The following RPS6KA2 variants were observed in gnomAD, a reference collection of about 807,000 sequenced individuals.
RPS6KA2 encodes ribosomal protein S6 kinase A2.
A neutral mutation model predicts 91.8 loss-of-function variants in RPS6KA2; 42 were observed. The observed-to-expected ratio is 0.46, with a 90% confidence interval of 0.36 to 0.59. The LOEUF is 0.59. Ranked by LOEUF, RPS6KA2 falls within the 20% of genes least tolerant of loss-of-function variation. The pLI, the probability that RPS6KA2 is intolerant of heterozygous loss-of-function variation, is 0.00. For synonymous variants in RPS6KA2, 414 were observed against 393.6 expected (o/e 1.05, Z -0.61); for missense variants, 798 against 978.5 (o/e 0.82, Z 2.46).
At position 166,627,103 on chromosome 6, in the gene RPS6KA2, C is replaced by A. The variant is rs1035987612; in HGVS notation, c.-84G>T. 5.8e-6 allele frequency: 7 copies of A among 1,202,572 alleles called. No homozygotes were observed. The African/African-American group carries it at 6.4e-5, about 11-fold the overall frequency. 74.5% of individuals were successfully genotyped at this position (1,202,572 alleles called of 1,614,324 possible). Reference sequence around the variant, plus strand: ...CAGGCGCGGGGCTCAGGTCCGCGGGCGGGCACGCGTGGCCAGGGAGCCCGG... The same window carrying A: ...CAGGCGCGGGGCTCAGGTCCGCGGGAGGGCACGCGTGGCCAGGGAGCCCGG... On this transcript the variant is annotated 5_prime_UTR_variant, in exon 1 of 21. Transcript: ENST00000265678.
In RPS6KA2 at chr6:166,432,496, A is replaced by T; in HGVS notation, c.1333-6T>A. 6.3e-7 allele frequency: 1 copy of T among 1,590,760 alleles called. No individual in the cohort carries two copies. Among genetic ancestry groups the T allele is most frequent in the Non-Finnish European group, 8.6e-7 (1 of 1,158,996 alleles). ...CTCTTGCTCTTATCAATGATCTGGA[A>T]CAAACACAGCACATGGCAGTGAGGG... On this transcript the variant is annotated splice_polypyrimidine_tract_variant and splice_region_variant and intron_variant, in intron 14 of 20. Coordinates refer to ENST00000265678, the MANE Select transcript of RPS6KA2 (RefSeq NM_021135.6).
chr6:166,528,082 A>G (rs11962250), intron 3 of RPS6KA2, among the ~76,000 whole-genome samples: 29,684 of 152,066 alleles, frequency 0.2, 3,045 homozygotes, highest in African/African-American at 0.26. Context: ...GGAGTGGACC[A>G]GTGAGGTCGC....
At chr6:166,678,046 T>G (rs1156590613) in intron 2 of RPS6KA2, among the ~76,000 whole-genome samples, 2 of 152,186 alleles carry the variant, frequency 1.3e-5, no homozygotes, top group Non-Finnish European at 2.9e-5. Context: ...TGGTGTGGGA[T>G]GTAGCTGTGA....
intron 2 of RPS6KA2, among the ~76,000 whole-genome samples, chr6:166,831,356 C>T (rs563967110): frequency 1.3e-5 from 2 of 152,248 alleles, no homozygotes; most frequent in East Asian, 1.9e-4. Context: ...ACAGTGGGTC[C>T]GTGGCCATGA....
At chr6:166,818,997 G>T (rs1159677276) in intron 2 of RPS6KA2, among the ~76,000 whole-genome samples, 1 of 151,960 alleles carries the variant, frequency 6.6e-6, no homozygotes, top group Non-Finnish European at 1.5e-5. Context: ...CAGGATGCAT[G>T]TTTTCTTATG....
intron 11 of RPS6KA2, among the ~76,000 whole-genome samples, chr6:166,466,811 C>G (rs974054855): frequency 9.2e-5 from 14 of 152,298 alleles, no homozygotes; most frequent in Admixed American, 9.1e-4. Context: ...CACTCACTCC[C>G]TCATTCACTC....
intron 1 of RPS6KA2, among the ~76,000 whole-genome samples, chr6:166,546,505 A>C (rs1322709611): frequency 2.0e-5 from 3 of 147,674 alleles, no homozygotes; most frequent in Non-Finnish European, 3.0e-5. Flanking sequence ...TTTGTCTCTG[A>C]GATATATAGT....
chr6:166,489,352 C>G (rs1781516739), intron 9 of RPS6KA2, among the ~76,000 whole-genome samples: 1 of 152,222 alleles, frequency 6.6e-6, no homozygotes, highest in African/African-American at 2.4e-5. Flanking sequence ...GCGTCTCTTC[C>G]TGGCTCATAG....
chr6:166,794,879 A>G (rs1779184756), intron 2 of RPS6KA2, among the ~76,000 whole-genome samples: 1 of 151,194 alleles, frequency 6.6e-6, no homozygotes, highest in South Asian at 2.1e-4. Context: ...GGATAGCATT[A>G]GGAGATATAC....
intron 2 of RPS6KA2, among the ~76,000 whole-genome samples, chr6:166,807,117 T>A (rs190864793): frequency 6.6e-6 from 1 of 152,144 alleles, no homozygotes; most frequent in Non-Finnish European, 1.5e-5. Context: ...AGAAAACAAA[T>A]AGCAAAATGA....
At position 166,419,334 on chromosome 6, in the gene RPS6KA2, G is replaced by C. The variant is rs1039696978; in HGVS notation, c.1820+548C>G. Reference sequence around the variant, plus strand: ...CTCACTCAGGGGAGAGGGAAGGGAGGCTGGTACAGGTTAAAGTGTTTAGCC... The same window carrying C: ...CTCACTCAGGGGAGAGGGAAGGGAGCCTGGTACAGGTTAAAGTGTTTAGCC... On this transcript the variant is annotated intron_variant, in intron 18 of 20. Coordinates refer to ENST00000265678, the MANE Select transcript of RPS6KA2 (RefSeq NM_021135.6). The surrounding 1 kb of genome is among the most constrained non-coding windows in gnomAD (Gnocchi z 5.6). Among the ~76,000 whole-genome samples the C allele has an allele frequency of 3.3e-5, 5 of 152,214 alleles. No homozygotes were observed. The highest frequency in any genetic ancestry group is 6.5e-5 in the Admixed American group (1 of 15,292).
intron 2 of RPS6KA2, among the ~76,000 whole-genome samples, chr6:166,799,962 G>A (rs1205547937): frequency 6.6e-6 from 1 of 152,182 alleles, no homozygotes; most frequent in African/African-American, 2.4e-5. Context: ...TCTCTCAGGA[G>A]ATGCGCTAAG....
chr6:166,693,422 G>A (rs981343053), intron 2 of RPS6KA2, among the ~76,000 whole-genome samples: 1 of 152,106 alleles, frequency 6.6e-6, no homozygotes, highest in Admixed American at 6.5e-5. Flanking sequence ...ACATCAGCAG[G>A]GCCTCTACTA....
intron 2 of RPS6KA2, among the ~76,000 whole-genome samples, chr6:166,656,403 T>G (rs969146259): frequency 3.3e-5 from 5 of 152,094 alleles, no homozygotes; most frequent in African/African-American, 7.2e-5. Context: ...TGTGAAGGGT[T>G]GGGCGGGGGT....
At chr6:166,504,696 G>C in intron 5 of RPS6KA2, 84 bp from the exon 6 acceptor site, 2 of 950,784 alleles carry the variant, frequency 2.1e-6, no homozygotes, top group Non-Finnish European at 3.2e-6. Flanking sequence ...CTGCCAGAGA[G>C]ACTGAGAGTC....
intron 2 of RPS6KA2, among the ~76,000 whole-genome samples, chr6:166,772,904 C>T: frequency 6.6e-6 from 1 of 152,172 alleles, no homozygotes; most frequent in Non-Finnish European, 1.5e-5. Context: ...TGTTAACTCC[C>T]CTGAATTAAA....
intron 16 of RPS6KA2, among the ~76,000 whole-genome samples, chr6:166,428,434 A>G (rs1779003780): frequency 2.9e-5 from 4 of 138,492 alleles, no homozygotes; most frequent in South Asian, 2.4e-4. Flanking sequence ...CAATGGCAAC[A>G]AAAGCCAAAA....
chr6:166,787,988 A>C (rs569997735), intron 2 of RPS6KA2, among the ~76,000 whole-genome samples: 170 of 151,924 alleles, frequency 1.1e-3, no homozygotes, highest in Non-Finnish European at 1.8e-3. Context: ...AAAAAAAAAA[A>C]AAAAACCAAC....
intron 2 of RPS6KA2, among the ~76,000 whole-genome samples, chr6:166,711,069 C>T (rs958709729): frequency 6.6e-6 from 1 of 151,878 alleles, no homozygotes; most frequent in East Asian, 2.0e-4. Flanking sequence ...CCCCAACATC[C>T]CCCCAGGGGT....
Sources: allele counts gnomAD v4.1 joint callset (sites outside exome capture counted in the v4.1 genomes callset), GRCh38; gene constraint gnomAD v4.1.1; non-coding constraint Gnocchi (gnomAD v3.1); transcripts MANE v1.5; gene names NCBI Gene and HGNC (gene_info 2026-07-23, HGNC 2026-07-21).